The following DOCK5 variants were observed in gnomAD, a reference collection of about 807,000 sequenced individuals.
DOCK5 encodes the protein dedicator of cytokinesis 5.
In DOCK5, 142 loss-of-function variants were observed where a neutral mutation model predicts 251.8. The ratio of observed to expected loss-of-function variants is 0.56; its 90% CI spans 0.49 to 0.65. The LOEUF (loss-of-function observed/expected upper bound fraction) is 0.65, where lower values mean the gene tolerates loss of function less well. DOCK5 is among the 30% of genes least tolerant of loss of function. The probability of loss-of-function intolerance (pLI) is 0.00; values close to 1 mark genes in which losing one functional copy is unlikely to be tolerated. For synonymous variants in DOCK5, 842 were observed against 835.5 expected (o/e 1.01, Z -0.13); for missense variants, 2,111 against 2,312.3 (o/e 0.91, Z 1.79).
intron 1 of DOCK5, among the ~76,000 whole-genome samples, chr8:25,227,370 T>C (rs1408255687): frequency 6.6e-6 from 1 of 152,222 alleles, no homozygotes; most frequent in Non-Finnish European, 1.5e-5. Flanking sequence ...AGTCTAATTT[T>C]GTTTTTTTTT....
intron 1 of DOCK5, among the ~76,000 whole-genome samples, chr8:25,243,391 C>T (rs1025491154): frequency 4.0e-5 from 6 of 149,008 alleles, no homozygotes; most frequent in African/African-American, 1.2e-4. Context: ...TGTGCAGTGG[C>T]GTGATCTCGG....
chr8:25,275,072 G>T (rs1159407833), intron 3 of DOCK5, among the ~76,000 whole-genome samples: 1 of 152,162 alleles, frequency 6.6e-6, no homozygotes, highest in East Asian at 1.9e-4. Context: ...AGTAGCATCT[G>T]AGGGGTTTAG....
At chr8:25,228,897 G>C (rs1770308457) in intron 1 of DOCK5, among the ~76,000 whole-genome samples, 1 of 151,874 alleles carries the variant, frequency 6.6e-6, no homozygotes, top group Non-Finnish European at 1.5e-5. Context: ...AACATGATGT[G>C]TATCTATTTT....
intron 18 of DOCK5, among the ~76,000 whole-genome samples, chr8:25,331,795 TATATATAGAGAGAG>T (rs1198842955): frequency 1.5e-3 from 54 of 36,530 alleles, no homozygotes; most frequent in African/African-American, 3.1e-3. Flanking sequence ...TATATATATA[TATATATAGAGAGAG>T]AGAGAGAGAG....
intron 1 of DOCK5, among the ~76,000 whole-genome samples, chr8:25,224,370 T>C (rs1175146805): frequency 6.6e-6 from 1 of 152,180 alleles, no homozygotes; most frequent in Non-Finnish European, 1.5e-5. Context: ...CTGCCCACCT[T>C]GGCCTCCCAA....
chr8:25,269,220 T>C (rs529286119), intron 3 of DOCK5, among the ~76,000 whole-genome samples: 1 of 152,300 alleles, frequency 6.6e-6, no homozygotes, highest in African/African-American at 2.4e-5. Context: ...CCTTCTCCCT[T>C]TGTCCTTTAC....
At chr8:25,297,602 C>T (rs1011939550) in intron 7 of DOCK5, among the ~76,000 whole-genome samples, 2 of 151,816 alleles carry the variant, frequency 1.3e-5, no homozygotes, top group East Asian at 1.9e-4. Flanking sequence ...TTGGTCAGGC[C>T]GGTCTCAAAC....
chr8:25,356,695 A>G (rs1800576315), intron 27 of DOCK5, among the ~76,000 whole-genome samples: 2 of 151,654 alleles, frequency 1.3e-5, no homozygotes, highest in Admixed American at 6.6e-5. Flanking sequence ...TTAGTTAACA[A>G]TTTGGAAAAA....
intron 50 of DOCK5, among the ~76,000 whole-genome samples, chr8:25,409,273 T>C (rs1478940842): frequency 6.6e-6 from 1 of 152,170 alleles, no homozygotes; most frequent in Admixed American, 6.5e-5. Flanking sequence ...GGACAAGAAA[T>C]AGACCCATTC....
rs137877151 is a variant in DOCK5, at chr8:25,285,581, C to G, written c.322-6443C>G. Among the ~76,000 whole-genome samples, 208 of 152,300 alleles carry G rather than the reference C, an allele frequency of 1.4e-3. 2 individuals are homozygous for G. The East Asian group carries it at 0.02, about 15-fold the overall frequency. On this transcript the variant is annotated intron_variant, in intron 5 of 51. Coordinates refer to ENST00000276440, the MANE Select transcript of DOCK5 (RefSeq NM_024940.8). ...TCAGGAGCAGAAAAAGTGCCTATAA[C>G]TGGGAAGAGGGGGTAGGGGAACTTG...
At chr8:25,256,358 G>T (rs1380359012) in intron 2 of DOCK5, among the ~76,000 whole-genome samples, 2 of 152,144 alleles carry the variant, frequency 1.3e-5, no homozygotes, top group Admixed American at 6.6e-5. Flanking sequence ...TCTGTTACAG[G>T]CCGGGTGCAA....
intron 18 of DOCK5, among the ~76,000 whole-genome samples, chr8:25,329,213 C>T (rs1297301230): frequency 6.6e-6 from 1 of 152,148 alleles, no homozygotes; most frequent in Non-Finnish European, 1.5e-5. Context: ...AGTTTTGCCA[C>T]ATCTGTAGCC....
chr8:25,322,073 A>C (rs1026332594), intron 16 of DOCK5, among the ~76,000 whole-genome samples: 2 of 152,182 alleles, frequency 1.3e-5, no homozygotes, highest in Non-Finnish European at 2.9e-5. Context: ...AAATTTCTGG[A>C]ATCGTCTTAT....
chr8:25,293,293 T>C (rs927470921), intron 6 of DOCK5, among the ~76,000 whole-genome samples: 1 of 152,216 alleles, frequency 6.6e-6, no homozygotes, highest in Non-Finnish European at 1.5e-5. Context: ...CCTATTAAAA[T>C]ATAGATCATT....
chr8:25,314,513 A>G (rs545397525), intron 13 of DOCK5, among the ~76,000 whole-genome samples: 4 of 151,878 alleles, frequency 2.6e-5, no homozygotes, highest in Non-Finnish European at 5.9e-5. Flanking sequence ...CTTGTGTTTT[A>G]TCTAAGAAAA....
chr8:25,360,957 C>T (rs1430782793), intron 28 of DOCK5, among the ~76,000 whole-genome samples: 3 of 152,122 alleles, frequency 2.0e-5, no homozygotes, highest in Admixed American at 2.0e-4. Flanking sequence ...TCATTATCCT[C>T]ACGAGGGAAC....
rs1196539237 is a variant in DOCK5 at position 25,323,807 on chromosome 8, GTC to G, written c.1616-35_1616-34del. The stretch of plus-strand genomic sequence containing the variant: ...CGTGTCATAGCCATCGCCTCCTGGT[GTC>G]TCTCTGCACTGCTCAGACATGTCTT... On this transcript the variant is annotated intron_variant, in intron 16 of 51. Coordinates refer to ENST00000276440, the MANE Select transcript of DOCK5 (RefSeq NM_024940.8). 5 of 1,593,830 alleles carry G rather than the reference GTC, an allele frequency of 3.1e-6. No individual in the cohort carries two copies. The African/African-American group carries it at 4.0e-5, about 13-fold the overall frequency.
intron 11 of DOCK5, among the ~76,000 whole-genome samples, chr8:25,306,705 A>C (rs932872458): frequency 1.3e-5 from 2 of 152,048 alleles, no homozygotes; most frequent in Non-Finnish European, 2.9e-5. Flanking sequence ...AAAAAAAATA[A>C]ATAAATAAAA....
chr8:25,304,038 A>G (rs1228003354), intron 10 of DOCK5, among the ~76,000 whole-genome samples: 1 of 152,222 alleles, frequency 6.6e-6, no homozygotes, highest in African/African-American at 2.4e-5. Context: ...AAATTGATCC[A>G]GTAAAACCCA....
Sources: gnomAD v4.1 joint callset for allele counts (sites outside exome capture counted in the v4.1 genomes callset) on GRCh38, gnomAD v4.1.1 for gene constraint, MANE v1.5 for transcripts, NCBI Gene and HGNC (gene_info 2026-07-23, HGNC 2026-07-21) for gene names.